NCKAP5: variants seen among roughly 807,000 people sequenced by gnomAD.
NCKAP5 encodes the protein nck-associated protein 5.
In NCKAP5, 92 loss-of-function variants were observed where a neutral mutation model predicts 167.0. The ratio of observed to expected loss-of-function variants is 0.55; its 90% CI spans 0.47 to 0.66. The LOEUF is 0.66. Among genes scored for constraint, NCKAP5 ranks in the 30% least tolerant of loss-of-function variants. NCKAP5 has a pLI of 0.00. For synonymous variants in NCKAP5, 891 were observed against 877.4 expected (o/e 1.02, Z -0.27); for missense variants, 2,378 against 2,315.0 (o/e 1.03, Z -0.56).
chr2:133,546,302 T>C (rs1686670245), intron 2 of NCKAP5, among the ~76,000 whole-genome samples: 2 of 152,230 alleles, frequency 1.3e-5, no homozygotes, highest in African/African-American at 4.8e-5. Flanking sequence ...AAACTCATTA[T>C]TGCCCAAGAG....
chr2:133,348,204 CTG>C (rs1181831687), intron 3 of NCKAP5, among the ~76,000 whole-genome samples: 1 of 152,130 alleles, frequency 6.6e-6, no homozygotes, highest in Non-Finnish European at 1.5e-5. Flanking sequence ...TAGAAAGTTC[CTG>C]TCTCTCATCC....
At chr2:133,263,408 C>A (rs1244976280) in intron 4 of NCKAP5, among the ~76,000 whole-genome samples, 1 of 152,026 alleles carries the variant, frequency 6.6e-6, no homozygotes, top group Non-Finnish European at 1.5e-5. Context: ...AGGATTACTT[C>A]TTGGCTTATC....
chr2:132,794,648 T>TACACACACACACACACACACAC (rs4057986), intron 12 of NCKAP5, among the ~76,000 whole-genome samples: 1 of 142,478 alleles, frequency 7.0e-6, no homozygotes, highest in Non-Finnish European at 1.5e-5. Flanking sequence ...CAACAACAAA[T>TACACACACACACACACACACAC]ACACACACAC....
chr2:132,851,427 T>TC, intron 11 of NCKAP5, among the ~76,000 whole-genome samples: 1 of 152,192 alleles, frequency 6.6e-6, no homozygotes, highest in Non-Finnish European at 1.5e-5. Context: ...TTTATCTTCA[T>TC]CCCCCTGATC....
At chr2:133,617,309 T>G in the NCKAP5 span, among the ~76,000 whole-genome samples, 3 of 152,020 alleles carry the variant, frequency 2.0e-5, no homozygotes, top group Non-Finnish European at 2.9e-5. Flanking sequence ...CCAGGGCAAT[T>G]AGGCAGGAGA....
At chr2:133,248,026 C>G (rs906153085) in intron 4 of NCKAP5, among the ~76,000 whole-genome samples, 1 of 152,172 alleles carries the variant, frequency 6.6e-6, no homozygotes, top group Non-Finnish European at 1.5e-5. Context: ...AGAAATTTAT[C>G]CCAAAAAGCT....
At chr2:133,261,184 G>A (rs1210031839) in intron 4 of NCKAP5, among the ~76,000 whole-genome samples, 2 of 152,184 alleles carry the variant, frequency 1.3e-5, no homozygotes, top group African/African-American at 4.8e-5. Flanking sequence ...TGTGAACGGA[G>A]TGTAGGGGAT....
intron 6 of NCKAP5, among the ~76,000 whole-genome samples, chr2:133,019,242 C>T (rs1183766145): frequency 3.3e-5 from 5 of 152,164 alleles, no homozygotes; most frequent in Non-Finnish European, 7.3e-5. Context: ...CAATACGTTG[C>T]AGCTCTTTTT....
At chr2:133,034,908 T>A (rs1324973088) in intron 6 of NCKAP5, among the ~76,000 whole-genome samples, 3 of 151,956 alleles carry the variant, frequency 2.0e-5, no homozygotes, top group Non-Finnish European at 2.9e-5. Flanking sequence ...GGCAAAGTCC[T>A]TACTTGTCAA....
intron 6 of NCKAP5, among the ~76,000 whole-genome samples, chr2:132,995,487 C>A (rs1212182258): frequency 6.6e-6 from 1 of 151,494 alleles, no homozygotes; most frequent in South Asian, 2.1e-4. Flanking sequence ...CCCATCTCCA[C>A]TAAAAATACA....
chr2:133,113,964 G>T (rs1000919377), intron 6 of NCKAP5, among the ~76,000 whole-genome samples: 2 of 152,122 alleles, frequency 1.3e-5, no homozygotes, highest in African/African-American at 2.4e-5. Context: ...TGCTTGATTC[G>T]GCCTTCCAGG....
At chr2:133,660,180 C>T in the NCKAP5 span, among the ~76,000 whole-genome samples, 1 of 152,188 alleles carries the variant, frequency 6.6e-6, no homozygotes, top group African/African-American at 2.4e-5. Flanking sequence ...AATGGTTCTT[C>T]CCTCCCTCGC....
chr2:132,831,980 C>T (rs1235669470), intron 11 of NCKAP5, among the ~76,000 whole-genome samples: 2 of 151,960 alleles, frequency 1.3e-5, no homozygotes, highest in Non-Finnish European at 2.9e-5. Flanking sequence ...AACAAAACTC[C>T]CATTTAAACA....
At chr2:133,563,745 C>T (rs972896349) in intron 1 of NCKAP5, among the ~76,000 whole-genome samples, 5 of 152,222 alleles carry the variant, frequency 3.3e-5, no homozygotes, top group East Asian at 1.9e-4. Context: ...TGCAGTCAAT[C>T]GGGGCAGATG....
At chr2:133,132,112 A>T (rs2082622728) in intron 5 of NCKAP5, among the ~76,000 whole-genome samples, 1 of 151,922 alleles carries the variant, frequency 6.6e-6, no homozygotes, top group Admixed American at 6.6e-5. Flanking sequence ...AGATGGTGAA[A>T]CCCCGTCTCT....
intron 3 of NCKAP5, 116 bp from the exon 4 acceptor site, chr2:133,303,226 C>T (rs915112899): frequency 1.2e-5 from 8 of 676,058 alleles, no homozygotes; most frequent in Admixed American, 2.2e-5. Flanking sequence ...ACTTCCCTTC[C>T]GGTTCTAGGA....
intron 5 of NCKAP5, among the ~76,000 whole-genome samples, chr2:133,166,135 AGC>A (rs1458067877): frequency 1.3e-5 from 2 of 152,212 alleles, no homozygotes; most frequent in Admixed American, 6.5e-5. Flanking sequence ...AATAGGAAAC[AGC>A]TATAGAGAAC....
chr2:133,046,817 GAA>G (rs1463656229), intron 6 of NCKAP5, among the ~76,000 whole-genome samples: 3 of 152,172 alleles, frequency 2.0e-5, no homozygotes, highest in Non-Finnish European at 4.4e-5. Context: ...GTCTAGAAAG[GAA>G]AAGATTAGCA....
intron 4 of NCKAP5, among the ~76,000 whole-genome samples, chr2:133,290,696 C>T (rs986075526): frequency 4.1e-5 from 6 of 147,886 alleles, no homozygotes; most frequent in African/African-American, 7.5e-5. Flanking sequence ...GGTCTCATCC[C>T]TAATGAACAT....
Sources: allele counts gnomAD v4.1 joint callset (sites outside exome capture counted in the v4.1 genomes callset), GRCh38; gene constraint gnomAD v4.1.1; transcripts MANE v1.5; gene names NCBI Gene and HGNC (gene_info 2026-07-23, HGNC 2026-07-21).